The following MDGA2 variants were observed in gnomAD, a reference collection of about 807,000 sequenced individuals.
MDGA2 encodes MAM domain-containing glycosylphosphatidylinositol anchor protein 2.
In MDGA2, 40 loss-of-function variants were observed where a neutral mutation model predicts 117.8. The observed-to-expected ratio is 0.34, with a 90% CI of 0.26 to 0.44. MDGA2 has a LOEUF of 0.44. Among genes scored for constraint, MDGA2 ranks in the 20% least tolerant of loss-of-function variants. MDGA2 has a pLI of 1.00. For synonymous variants in MDGA2, 452 were observed against 439.0 expected (o/e 1.03, Z -0.37); for missense variants, 1,123 against 1,250.6 (o/e 0.90, Z 1.54).
chr14:47,304,541 T>C (rs1594784429), intron 1 of MDGA2, among the ~76,000 whole-genome samples: 1 of 152,130 alleles, frequency 6.6e-6, no homozygotes, highest in Non-Finnish European at 1.5e-5. Context: ...GCTCCAAACT[T>C]AACCAAACTT....
chr14:47,286,570 T>C (rs558325180), intron 2 of MDGA2, among the ~76,000 whole-genome samples: 1 of 151,910 alleles, frequency 6.6e-6, no homozygotes, highest in East Asian at 1.9e-4. Context: ...TCATTCTTTT[T>C]TGTGTGGTGG....
At chr14:47,420,187 T>A (rs897029506) in intron 1 of MDGA2, among the ~76,000 whole-genome samples, 1 of 152,174 alleles carries the variant, frequency 6.6e-6, no homozygotes, top group African/African-American at 2.4e-5. Flanking sequence ...GAATAGTGAT[T>A]GTAAATTGAA....
intron 14 of MDGA2, among the ~76,000 whole-genome samples, chr14:46,864,769 A>G (rs561741492): frequency 1.3e-5 from 2 of 152,114 alleles, no homozygotes; most frequent in South Asian, 4.1e-4. Context: ...AACTATTATC[A>G]AACAGCTCAC....
chr14:47,579,341 A>G (rs1198051736), intron 1 of MDGA2, among the ~76,000 whole-genome samples: 1 of 152,078 alleles, frequency 6.6e-6, no homozygotes, highest in Non-Finnish European at 1.5e-5. Flanking sequence ...TTCATCTAGG[A>G]TATGGTAATC....
chr14:46,845,899 A>C, intron 15 of MDGA2, 28 bp from the exon 16 acceptor site: 3 of 1,511,036 alleles, frequency 2.0e-6, no homozygotes, highest in Non-Finnish European at 2.8e-6. Flanking sequence ...ACAAACCTAA[A>C]TGTGGAGCTT....
intron 11 of MDGA2, among the ~76,000 whole-genome samples, chr14:46,879,733 C>T (rs1373556584): frequency 6.6e-6 from 1 of 152,050 alleles, no homozygotes; most frequent in African/African-American, 2.4e-5. Flanking sequence ...TTTGTCATTT[C>T]ACAGTCATTT....
chr14:47,177,244 G>A lies in MDGA2; in HGVS notation c.596-32970C>T, dbSNP rs921594015. Among the ~76,000 whole-genome samples the A allele has an allele frequency of 2.2e-4, 33 of 151,946 alleles. 1 individual carries two copies. Among genetic ancestry groups the A allele is most frequent in the Middle Eastern group, 3.4e-3 (1 of 290 alleles). On this transcript the variant is annotated intron_variant, in intron 3 of 16. Transcript: ENST00000399232. ...CAACCATTGTGGAAGTCAGTGTGGC[G>A]ATTCCTCAGGGATCTAGAACTAGAA...
intron 3 of MDGA2, among the ~76,000 whole-genome samples, chr14:47,165,255 A>C (rs1415256808): frequency 1.3e-5 from 2 of 151,694 alleles, no homozygotes; most frequent in Non-Finnish European, 2.9e-5. Context: ...TATAATAAAA[A>C]AATACAAAAA....
chr14:47,639,565 C>T (rs978758178), intron 1 of MDGA2, among the ~76,000 whole-genome samples: 1 of 152,156 alleles, frequency 6.6e-6, no homozygotes, highest in Non-Finnish European at 1.5e-5. Context: ...CGCACAAGTA[C>T]GTCATAACTC....
In MDGA2 at chr14:47,173,137, T is replaced by C. The variant is rs559867692; in HGVS notation, c.596-28863A>G. Among the ~76,000 whole-genome samples the C allele has an allele frequency of 1.7e-4, 26 of 152,184 alleles. No homozygotes were observed. In the South Asian group the frequency reaches 4.6e-3, roughly 27 times the overall value. On this transcript the variant is annotated intron_variant, in intron 3 of 16. Coordinates refer to ENST00000399232, the MANE Select transcript of MDGA2 (RefSeq NM_001113498.3). ...AGAAACAAACAAAGCCTCCAAGACA[T>C]ATGGGACTATACGAAAAGACCAAAT...
chr14:46,905,351 A>G (rs1376316754), intron 10 of MDGA2, among the ~76,000 whole-genome samples: 1 of 152,214 alleles, frequency 6.6e-6, no homozygotes, highest in Non-Finnish European at 1.5e-5. Flanking sequence ...GAGCACAAAT[A>G]AAACAATTTC....
At chr14:47,200,951 A>G in intron 3 of MDGA2, 2 of 832,772 alleles carry the variant, frequency 2.4e-6, no homozygotes, top group Non-Finnish European at 4.3e-6. Context: ...CCGAACTTCA[A>G]CTTGTTTCTG....
At position 46,927,664 on chromosome 14, in the gene MDGA2, T is replaced by G. The variant is rs191213787; in HGVS notation, c.2090-7504A>C. ...TGTGTGTAACAATTTATAATCCAAC[T>G]AAATCATTTAGGTAAAGCGCGTTTG... is the stretch of plus-strand genomic sequence containing the variant. On this transcript the variant is annotated intron_variant, in intron 9 of 16. Transcript: ENST00000399232. 3.5e-3 allele frequency among the ~76,000 whole-genome samples: 535 copies of G among 152,298 alleles called. 5 individuals carry two copies. The highest frequency in any genetic ancestry group is 0.012 in the African/African-American group (501 of 41,574).
intron 1 of MDGA2, among the ~76,000 whole-genome samples, chr14:47,544,280 G>C (rs1186972441): frequency 1.3e-5 from 2 of 152,018 alleles, no homozygotes; most frequent in African/African-American, 4.8e-5. Flanking sequence ...AGGTTAAAGT[G>C]CATTTTACTA....
At position 46,899,125 on chromosome 14, in the gene MDGA2, A is replaced by G. The variant is rs550509878; in HGVS notation, c.2239-16904T>C. On this transcript the variant is annotated intron_variant, in intron 10 of 16. Transcript: ENST00000399232. Reference sequence around the variant, plus strand: ...TTTTACTTTTTCTCTCCCACACCACATCATTTTTATAAGTCAGTCATTACT... The same window carrying G: ...TTTTACTTTTTCTCTCCCACACCACGTCATTTTTATAAGTCAGTCATTACT... 3.3e-5 allele frequency among the ~76,000 whole-genome samples: 5 copies of G among 152,116 alleles called. No individual in the cohort carries two copies. The South Asian group carries it at 1.0e-3, about 32-fold the overall frequency.
chr14:47,495,263 C>T (rs1894257347), intron 1 of MDGA2, among the ~76,000 whole-genome samples: 1 of 151,916 alleles, frequency 6.6e-6, no homozygotes, highest in South Asian at 2.1e-4. Context: ...CTGGCGACTT[C>T]AAAAGGTAGG....
intron 1 of MDGA2, among the ~76,000 whole-genome samples, chr14:47,424,041 G>A (rs1892634891): frequency 6.6e-6 from 1 of 152,094 alleles, no homozygotes; most frequent in African/African-American, 2.4e-5. Context: ...TCGAACTTCT[G>A]ACCTCAGGTG....
At chr14:46,935,032 T>TA (rs376902494) in intron 9 of MDGA2, among the ~76,000 whole-genome samples, 112 of 148,728 alleles carry the variant, frequency 7.5e-4, no homozygotes, top group African/African-American at 2.0e-3. Flanking sequence ...TGTCAGAATT[T>TA]AAAAAAAAAA....
chr14:47,609,059 T>C (rs559496490), intron 1 of MDGA2, among the ~76,000 whole-genome samples: 18 of 151,978 alleles, frequency 1.2e-4, no homozygotes, highest in Admixed American at 3.3e-4. Flanking sequence ...TTTTTATTTT[T>C]ATCTTTTTTA....
Sources: allele counts gnomAD v4.1 joint callset (sites outside exome capture counted in the v4.1 genomes callset), GRCh38; gene constraint gnomAD v4.1.1; transcripts MANE v1.5; gene names NCBI Gene and HGNC (gene_info 2026-07-23, HGNC 2026-07-21).